TMEM167A: variants seen among roughly 807,000 people sequenced by gnomAD.
The protein encoded by TMEM167A is transmembrane protein 167A.
Under a neutral mutation model 11.6 loss-of-function variants are expected in TMEM167A, and 8 were observed. The observed-to-expected ratio is 0.69, with a 90% CI of 0.40 to 1.24. The LOEUF (loss-of-function observed/expected upper bound fraction) is 1.24. Among genes scored for constraint, TMEM167A ranks in the 50% most tolerant of loss-of-function variants. The pLI is 0.01. For synonymous variants in TMEM167A, 22 were observed against 28.0 expected (o/e 0.79, Z 0.67); for missense variants, 62 against 87.0 (o/e 0.71, Z 1.14).
intron 1 of TMEM167A, among the ~76,000 whole-genome samples, chr5:83,073,735 T>A (rs1413992123): frequency 6.6e-6 from 1 of 152,164 alleles, no homozygotes; most frequent in Non-Finnish European, 1.5e-5. Flanking sequence ...AGAACAGACA[T>A]GAAGACAACG....
intron 1 of TMEM167A, among the ~76,000 whole-genome samples, chr5:83,072,364 A>G (rs1744574748): frequency 6.6e-6 from 1 of 152,228 alleles, no homozygotes; most frequent in South Asian, 2.1e-4. Context: ...AGCCTGCTGT[A>G]AAGTCCTCTG....
chr5:83,072,886 C>T (rs1744584294), intron 1 of TMEM167A, among the ~76,000 whole-genome samples: 1 of 152,046 alleles, frequency 6.6e-6, no homozygotes, highest in African/African-American at 2.4e-5. Flanking sequence ...TCATGGAACC[C>T]TTTCATGGGT....
intron 1 of TMEM167A, among the ~76,000 whole-genome samples, chr5:83,068,357 C>A (rs1744513561): frequency 6.6e-6 from 1 of 152,070 alleles, no homozygotes; most frequent in Non-Finnish European, 1.5e-5. Context: ...CCTCATGTAT[C>A]TGGGGTAAAT....
chr5:83,070,045 G>A (rs1303985935), intron 1 of TMEM167A, among the ~76,000 whole-genome samples: 2 of 152,034 alleles, frequency 1.3e-5, no homozygotes, highest in Non-Finnish European at 2.9e-5. Context: ...TTATGTTAAG[G>A]ACCTAGGCTG....
At position 83,077,330 on chromosome 5, in the gene TMEM167A, G is replaced by A; in HGVS notation, c.-7C>T. On this transcript the variant is annotated 5_prime_UTR_variant, in exon 1 of 4. Transcript: ENST00000502346. Reference sequence around the variant, plus strand: ...GAGCCCCACTTCTTACCATAGCGAGGCCGGCGATGCCGCAGCCACATCACC... The same window carrying A: ...GAGCCCCACTTCTTACCATAGCGAGACCGGCGATGCCGCAGCCACATCACC... The A allele has an allele frequency of 1.2e-6, 2 of 1,614,196 alleles. No homozygotes were observed. The highest frequency in any genetic ancestry group is 1.1e-5 in the South Asian group (1 of 91,088).
At chr5:83,076,275 A>G (rs544214795) in intron 1 of TMEM167A, among the ~76,000 whole-genome samples, 97 of 152,348 alleles carry the variant, frequency 6.4e-4, no homozygotes, top group East Asian at 1.2e-3. Flanking sequence ...ATAGGACGTG[A>G]TAATAAATGA....
At chr5:83,069,265 A>G (rs1744528312) in intron 1 of TMEM167A, among the ~76,000 whole-genome samples, 1 of 152,218 alleles carries the variant, frequency 6.6e-6, no homozygotes, top group East Asian at 1.9e-4. Context: ...ATTCCCCTTA[A>G]TGCTTAGCAT....
At position 83,054,355 on chromosome 5, in the gene TMEM167A, C is replaced by A. The variant is rs1744298884; in HGVS notation, c.*2729G>T. ...ATTGCTTGAAAAGACAACGCCCTTC[C>A]TATTAGCACAGCTGAAGCCAATCCA... On this transcript the variant is annotated 3_prime_UTR_variant, in exon 4 of 4. Transcript: ENST00000502346. 1 of 151,250 alleles carries A rather than the reference C, an allele frequency of 6.6e-6. No individual in the cohort carries two copies. The highest frequency in any genetic ancestry group is 2.1e-4 in the South Asian group (1 of 4,828). 9.4% of individuals were successfully genotyped at this position (151,250 alleles called of 1,614,324 possible).
chr5:83,070,465 C>T (rs948470369), intron 1 of TMEM167A, among the ~76,000 whole-genome samples: 4 of 152,126 alleles, frequency 2.6e-5, no homozygotes, highest in Non-Finnish European at 5.9e-5. Flanking sequence ...TTAATTTACC[C>T]AAACCGGAAG....
intron 1 of TMEM167A, among the ~76,000 whole-genome samples, chr5:83,070,166 C>T (rs368013413): frequency 1.7e-4 from 26 of 152,246 alleles, no homozygotes; most frequent in African/African-American, 5.3e-4. Context: ...AAGGTGCTTG[C>T]ACACTGGAAA....
At chr5:83,067,439 C>T (rs1744499195) in intron 1 of TMEM167A, among the ~76,000 whole-genome samples, 1 of 152,126 alleles carries the variant, frequency 6.6e-6, no homozygotes. Flanking sequence ...TCAGACAGCA[C>T]ATCTTAAGGT....
intron 3 of TMEM167A, among the ~76,000 whole-genome samples, chr5:83,057,673 G>C (rs1190988346): frequency 6.6e-6 from 1 of 151,934 alleles, no homozygotes; most frequent in Non-Finnish European, 1.5e-5. Context: ...TTAAAAAATG[G>C]ACAAATTAAA....
At chr5:83,065,935 A>G (rs763381347) in intron 1 of TMEM167A, among the ~76,000 whole-genome samples, 3 of 152,160 alleles carry the variant, frequency 2.0e-5, no homozygotes, top group Non-Finnish European at 4.4e-5. Flanking sequence ...TTTTTAAGGA[A>G]GTTTCCTTGA....
intron 1 of TMEM167A, 104 bp downstream of exon 1, chr5:83,077,217 C>T (rs538034139): frequency 9.0e-6 from 14 of 1,560,524 alleles, no homozygotes; most frequent in Middle Eastern, 1.7e-4. Context: ...GGCCTCTCAG[C>T]TCCGGGCCCA....
intron 1 of TMEM167A, 37 bp downstream of exon 1, chr5:83,077,284 C>A (rs1270489877): frequency 6.2e-7 from 1 of 1,614,190 alleles, no homozygotes; most frequent in South Asian, 1.1e-5. Flanking sequence ...AACCCCTTCT[C>A]GAAGATCAAC....
intron 3 of TMEM167A, among the ~76,000 whole-genome samples, chr5:83,057,553 A>G (rs575290338): frequency 2.0e-4 from 31 of 152,174 alleles, no homozygotes; most frequent in South Asian, 4.1e-4. Context: ...CCATCCATAA[A>G]AAGACACAAC....
At chr5:83,057,209 T>A (rs1744345899) in intron 3 of TMEM167A, 55 bp from the exon 4 acceptor site, 1 of 1,513,384 alleles carries the variant, frequency 6.6e-7, no homozygotes, top group African/African-American at 1.4e-5. Flanking sequence ...AACCTGGCTA[T>A]GACAAGGTTA....
At chr5:83,074,777 T>C (rs901245885) in intron 1 of TMEM167A, among the ~76,000 whole-genome samples, 17 of 150,936 alleles carry the variant, frequency 1.1e-4, no homozygotes, top group Non-Finnish European at 2.5e-4. Context: ...CCAGACTCTT[T>C]TTTTTTTTTT....
At position 83,055,412 on chromosome 5, in the gene TMEM167A, G is replaced by A. The variant is rs370389043; in HGVS notation, c.*1672C>T. On this transcript the variant is annotated 3_prime_UTR_variant, in exon 4 of 4. Coordinates refer to ENST00000502346, the MANE Select transcript of TMEM167A (RefSeq NM_174909.5). ...GTGACTTACTCAGCATGCATACACT[G>A]ACAAGAATCCTATTTTTGAGAAACC... 8.6e-5 allele frequency: 13 copies of A among 152,028 alleles called. No homozygotes were observed. The highest frequency in any genetic ancestry group is 3.1e-4 in the African/African-American group (13 of 41,504). The allele number at this position is 152,028 out of a possible 1,614,324, so 9.4% of individuals were successfully genotyped here.
Sources: allele counts gnomAD v4.1 joint callset (sites outside exome capture counted in the v4.1 genomes callset), GRCh38; gene constraint gnomAD v4.1.1; transcripts MANE v1.5; gene names NCBI Gene and HGNC (gene_info 2026-07-23, HGNC 2026-07-21).